The following CAMKK1 variants were observed in gnomAD, a reference collection of about 807,000 sequenced individuals.
CAMKK1 encodes calcium/calmodulin dependent protein kinase kinase 1.
In CAMKK1, 20 loss-of-function variants were observed where a neutral mutation model predicts 63.5. The ratio of observed to expected loss-of-function variants is 0.32; its 90% CI spans 0.22 to 0.46. The LOEUF (loss-of-function observed/expected upper bound fraction) is 0.46, where lower values mean the gene tolerates loss of function less well. CAMKK1 is among the 20% of genes least tolerant of loss of function. The pLI is 1.00. For synonymous variants in CAMKK1, 253 were observed against 269.0 expected (o/e 0.94, Z 0.58); for missense variants, 588 against 658.1 (o/e 0.89, Z 1.17).
chr17:3,877,935 G>C (rs1338876896), intron 9 of CAMKK1, among the ~76,000 whole-genome samples: 1 of 152,030 alleles, frequency 6.6e-6, no homozygotes, highest in East Asian at 1.9e-4. Flanking sequence ...GTCTAATTCA[G>C]AACTTGATTT....
intron 15 of CAMKK1, chr17:3,865,197 G>A: frequency 1.0e-6 from 1 of 985,760 alleles, no homozygotes. Flanking sequence ...GAAGAAGGTG[G>A]ATCTGCTGAG....
chr17:3,882,216 A>C lies in CAMKK1; in HGVS notation c.685+312T>G. On this transcript the variant is annotated intron_variant, in intron 7 of 15. Transcript: ENST00000348335. The surrounding 1 kb of genome is among the most constrained non-coding windows in gnomAD (Gnocchi z 4.3). ...GGTGGGAAAACTGAGGCACAGAGCT[A>C]CAGTGTCTGGGAACCCATGCAGCCT... 7.1e-7 allele frequency: 1 copy of C among 1,414,888 alleles called. No individual in the cohort carries two copies. Among genetic ancestry groups the C allele is most frequent in the Non-Finnish European group, 9.9e-7 (1 of 1,011,428 alleles). 87.6% of individuals were successfully genotyped at this position (1,414,888 alleles called of 1,614,324 possible).
rs144575059 is a variant in CAMKK1, at chr17:3,882,356, C to T, written c.685+172G>A. On this transcript the variant is annotated intron_variant, in intron 7 of 15. Transcript: ENST00000348335. This position sits in a 1 kb window ranked among gnomAD's most constrained non-coding sequence, Gnocchi z 4.3. ...GTTGAATCTAACTGGATATTCTGGG[C>T]CTGGTTCTGCAGGGCTGGGCAAGGG... 6.9e-5 allele frequency: 111 copies of T among 1,613,652 alleles called. No individual in the cohort carries two copies. Among genetic ancestry groups the T allele is most frequent in the Middle Eastern group, 5.0e-4 (3 of 6,060 alleles).
intron 9 of CAMKK1, among the ~76,000 whole-genome samples, chr17:3,878,589 C>A (rs527480395): frequency 1.3e-5 from 2 of 152,100 alleles, no homozygotes; most frequent in African/African-American, 2.4e-5. Context: ...CAAAGCCCTC[C>A]CCTCTGTGTG....
intron 9 of CAMKK1, chr17:3,880,043 C>A: frequency 2.6e-6 from 1 of 381,642 alleles, no homozygotes; most frequent in Non-Finnish European, 4.9e-6. Context: ...TCTCTTGAAG[C>A]CCCGTGGCAA....
chr17:3,865,775 C>T, intron 15 of CAMKK1, 133 bp downstream of exon 15: 1 of 1,478,934 alleles, frequency 6.8e-7, no homozygotes, highest in Non-Finnish European at 9.0e-7. Context: ...GCAAATGGGG[C>T]CAACACCGAG....
In CAMKK1 at chr17:3,868,739, A is replaced by G. The variant is rs149007319; in HGVS notation, c.1341+748T>C. ...GTGATCTTGGCTCACTACAACCTCC[A>G]CCTCCCAGGTTCAAGCGATTCTCCT... On this transcript the variant is annotated intron_variant, in intron 14 of 15. Transcript: ENST00000348335. Among the ~76,000 whole-genome samples, 840 of 150,542 alleles carry G rather than the reference A, an allele frequency of 5.6e-3. 10 individuals carry two copies. Among genetic ancestry groups the G allele is most frequent in the African/African-American group, 0.019 (769 of 40,832 alleles).
Position 3,890,732 on chromosome 17 carries a change from C to T in CAMKK1, c.-44+2207G>A, listed in dbSNP as rs2055869086. Reference sequence around the variant, plus strand: ...ACACCACAGCTTCCCAAATTGCATACTCTGTTCTGCTGCCAGGCCTCAGTA... The same window carrying T: ...ACACCACAGCTTCCCAAATTGCATATTCTGTTCTGCTGCCAGGCCTCAGTA... On this transcript the variant is annotated intron_variant, in intron 1 of 15. Coordinates refer to ENST00000348335, the MANE Select transcript of CAMKK1 (RefSeq NM_032294.3). This position sits in a 1 kb window ranked among gnomAD's most constrained non-coding sequence, Gnocchi z 6.5. The T allele has an allele frequency of 6.4e-6, 5 of 779,820 alleles. No homozygotes were observed. The African/African-American group carries it at 6.8e-5, about 11-fold the overall frequency. 48.3% of individuals were successfully genotyped at this position (779,820 alleles called of 1,614,324 possible). A position where few individuals can be genotyped will look rare whatever the true frequency, so the allele number is the denominator to read the frequency against.
At chr17:3,886,852 C>T (rs569159318) in intron 1 of CAMKK1, among the ~76,000 whole-genome samples, 1 of 152,090 alleles carries the variant, frequency 6.6e-6, no homozygotes, top group Non-Finnish European at 1.5e-5. Flanking sequence ...GCTTGTAGAG[C>T]GCTGGCCATG....
chr17:3,870,844 A>G (rs1394348676), intron 12 of CAMKK1, among the ~76,000 whole-genome samples: 1 of 152,140 alleles, frequency 6.6e-6, no homozygotes, highest in Non-Finnish European at 1.5e-5. Context: ...TATAGCAGGA[A>G]GAGAGGCACC....
intron 12 of CAMKK1, among the ~76,000 whole-genome samples, chr17:3,870,538 T>G (rs565664176): frequency 4.5e-4 from 69 of 152,218 alleles, no homozygotes; most frequent in African/African-American, 1.5e-3. Flanking sequence ...GCTAATTTTT[T>G]GTATTTTTAG....
chr17:3,885,807 G>C, intron 1 of CAMKK1, 77 bp from the exon 2 acceptor site: 1 of 1,432,512 alleles, frequency 7.0e-7, no homozygotes. Flanking sequence ...CAGCGCTGTG[G>C]GTCCCACCTC....
At chr17:3,871,863 C>A (rs927843656) in intron 12 of CAMKK1, among the ~76,000 whole-genome samples, 1 of 151,844 alleles carries the variant, frequency 6.6e-6, no homozygotes, top group Non-Finnish European at 1.5e-5. Flanking sequence ...CCAGGCTGGT[C>A]TCTAACTCCT....
chr17:3,866,125 C>T, intron 14 of CAMKK1, 114 bp from the exon 15 acceptor site: 1 of 1,225,338 alleles, frequency 8.2e-7, no homozygotes, highest in East Asian at 2.5e-5. Context: ...GGTCCCATCT[C>T]AATCAGCACA....
chr17:3,883,013 G>C lies in CAMKK1; in HGVS notation c.648+29C>G. 1 of 1,611,624 alleles carries C rather than the reference G, an allele frequency of 6.2e-7. No individual in the cohort carries two copies. The highest frequency in any genetic ancestry group is 1.1e-5 in the South Asian group (1 of 90,976). The stretch of plus-strand genomic sequence containing the variant: ...CGGCTCCCATGAGACTCAGGTGCTG[G>C]TTCCCACCTGCTCACCACCACCCCC... On this transcript the variant is annotated intron_variant, in intron 6 of 15. Coordinates refer to ENST00000348335, the MANE Select transcript of CAMKK1 (RefSeq NM_032294.3). This position sits in a 1 kb window ranked among gnomAD's most constrained non-coding sequence, Gnocchi z 4.7.
intron 10 of CAMKK1, among the ~76,000 whole-genome samples, chr17:3,873,924 C>T (rs1179182027): frequency 6.6e-6 from 1 of 152,172 alleles, no homozygotes; most frequent in Non-Finnish European, 1.5e-5. Flanking sequence ...TGTCCTCTCA[C>T]GCCCTCATCC....
Position 3,889,075 on chromosome 17 carries a change from C to G in CAMKK1, c.-43-3345G>C, listed in dbSNP as rs2055789107. ...CAGGGTAGGGGGGTGGTCCGCGCCC[C>G]TGGGGGCCCTGGGAGCCTGATCCCA... On this transcript the variant is annotated intron_variant, in intron 1 of 15. Coordinates refer to ENST00000348335, the MANE Select transcript of CAMKK1 (RefSeq NM_032294.3). The surrounding 1 kb of genome is among the most constrained non-coding windows in gnomAD (Gnocchi z 5.2). Among the ~76,000 whole-genome samples the G allele has an allele frequency of 6.6e-6, 1 of 152,126 alleles. No homozygotes were observed. Among genetic ancestry groups the G allele is most frequent in the Non-Finnish European group, 1.5e-5 (1 of 68,002 alleles).
chr17:3,880,380 G>A lies in CAMKK1; in HGVS notation c.762C>T (p.Leu254=). 1 of 1,614,014 alleles carries A rather than the reference G, an allele frequency of 6.2e-7. No individual in the cohort carries two copies. The highest frequency in any genetic ancestry group is 2.2e-5 in the East Asian group (1 of 44,860). Residue 254 remains leucine, a synonymous_variant, in exon 9 of 16, where the codon CTC becomes CTT. Transcript: ENST00000348335. ...GGCCCAGGATGACGTCCCGCAGGTA[G>A]AGGCGAGCTTGCTCCTCCGAGAAGG... is the stretch of plus-strand genomic sequence containing the variant. The part of the protein sequence containing the change: ...DKPFSEEQAR[L]YLRDVILGLE...
chr17:3,873,341 C>T lies in CAMKK1; in HGVS notation c.1050+68G>A, dbSNP rs191666857. 2.3e-4 allele frequency: 324 copies of T among 1,401,596 alleles called. 2 individuals carry two copies. The Admixed American group carries it at 5.5e-3, about 24-fold the overall frequency. 86.8% of individuals were successfully genotyped at this position (1,401,596 alleles called of 1,614,324 possible). ...GCCACTTAAGGACAAAAAGGAAGAGCCTGCATCCGTCGCCCGTGCCCGCCT... is the reference window on the plus strand; with the variant it reads ...GCCACTTAAGGACAAAAAGGAAGAGTCTGCATCCGTCGCCCGTGCCCGCCT... On this transcript the variant is annotated intron_variant, in intron 11 of 15. Transcript: ENST00000348335.
Sources: allele counts gnomAD v4.1 joint callset (sites outside exome capture counted in the v4.1 genomes callset), GRCh38; gene constraint gnomAD v4.1.1; non-coding constraint Gnocchi (gnomAD v3.1); transcripts MANE v1.5; gene names NCBI Gene and HGNC (gene_info 2026-07-23, HGNC 2026-07-21).